Variants in CTNNA2 observed in about 807,000 individuals in gnomAD.
CTNNA2 encodes the protein catenin alpha-2.
In CTNNA2, 42 loss-of-function variants were observed where a neutral mutation model predicts 101.0. The observed-to-expected ratio is 0.42, with a 90% CI of 0.32 to 0.54. CTNNA2 has a LOEUF of 0.54. Among genes scored for constraint, CTNNA2 ranks in the 20% least tolerant of loss-of-function variants. CTNNA2 has a pLI of 0.14. For synonymous variants in CTNNA2, 450 were observed against 456.4 expected (o/e 0.99, Z 0.18); for missense variants, 871 against 1,223.1 (o/e 0.71, Z 4.29).
In CTNNA2 at chr2:80,480,871, G is replaced by A. The variant is rs530709735; in HGVS notation, c.1290+61270G>A. ...CCTAGAGAAATAAATGTGTAGGAAA[G>A]CACTTTAATAAGATAGTTGCGATAA... On this transcript the variant is annotated intron_variant, in intron 9 of 18. Transcript: ENST00000402739. Among the ~76,000 whole-genome samples the A allele has an allele frequency of 1.1e-4, 17 of 152,142 alleles. No homozygotes were observed. The South Asian group carries it at 1.2e-3, about 11-fold the overall frequency.
At chr2:79,739,560 T>G (rs1447826443) in intron 2 of CTNNA2, among the ~76,000 whole-genome samples, 1 of 152,218 alleles carries the variant, frequency 6.6e-6, no homozygotes, top group Non-Finnish European at 1.5e-5. Context: ...TTGCCTTTTT[T>G]AAAATACAGA....
Position 79,766,856 on chromosome 2 carries a change from A to G in CTNNA2, c.298+22274A>G, listed in dbSNP as rs555066878. Among the ~76,000 whole-genome samples, 851 of 151,976 alleles carry G rather than the reference A, an allele frequency of 5.6e-3. 7 individuals are homozygous for G. Among genetic ancestry groups the G allele is most frequent in the African/African-American group, 0.02 (814 of 41,456 alleles). On this transcript the variant is annotated intron_variant, in intron 3 of 18. Coordinates refer to ENST00000402739, the MANE Select transcript of CTNNA2 (RefSeq NM_001282597.3). Reference sequence around the variant, plus strand: ...CCGCAACCTCCACCTCCTGGGTTCAAGTGATTCTCCTGCCTCAGCCTCCCA... The same window carrying G: ...CCGCAACCTCCACCTCCTGGGTTCAGGTGATTCTCCTGCCTCAGCCTCCCA...
chr2:80,163,328 G>A (rs561383270), intron 7 of CTNNA2, among the ~76,000 whole-genome samples: 1 of 151,998 alleles, frequency 6.6e-6, no homozygotes. Flanking sequence ...ATATATTGCT[G>A]GGACAGGAGA....
chr2:79,420,023 T>C (rs1011326810), intron 4 of CTNNA2, among the ~76,000 whole-genome samples: 8 of 152,106 alleles, frequency 5.3e-5, no homozygotes, highest in Non-Finnish European at 1.0e-4. Context: ...CTCCCCAGCC[T>C]AGTTATGAAA....
intron 7 of CTNNA2, among the ~76,000 whole-genome samples, chr2:80,045,577 A>T (rs1331343351): frequency 6.6e-6 from 1 of 152,298 alleles, no homozygotes; most frequent in East Asian, 1.9e-4. Flanking sequence ...ATCAGTAATC[A>T]CTATCTAAAT....
intron 4 of CTNNA2, among the ~76,000 whole-genome samples, chr2:79,408,889 T>C (rs1403436399): frequency 1.3e-5 from 2 of 151,498 alleles, no homozygotes; most frequent in African/African-American, 2.4e-5. Context: ...ACTTCCACAA[T>C]GGTTGAACTA....
chr2:80,395,592 G>T (rs576748149), intron 8 of CTNNA2, among the ~76,000 whole-genome samples: 1 of 152,248 alleles, frequency 6.6e-6, no homozygotes, highest in South Asian at 2.1e-4. Flanking sequence ...AATTTGTTTG[G>T]CCCAGGTAGG....
chr2:79,815,589 T>C (rs1287353204), intron 3 of CTNNA2, among the ~76,000 whole-genome samples: 3 of 152,210 alleles, frequency 2.0e-5, no homozygotes, highest in Admixed American at 2.0e-4. Flanking sequence ...GGTTTATTTC[T>C]GGGTTCTCTA....
chr2:80,078,639 A>G (rs933438457), intron 7 of CTNNA2, among the ~76,000 whole-genome samples: 2 of 152,210 alleles, frequency 1.3e-5, no homozygotes, highest in East Asian at 3.9e-4. Context: ...GAATGAAAAA[A>G]TAGGACATTT....
Position 80,545,010 on chromosome 2 carries a change from A to G in CTNNA2, c.1319A>G (p.Asn440Ser). ...GCCAATTTGGCCTGTTCCATCTCCA[A>G]CAATGAAGAAGGGGTGAAATTAGTT... The part of the protein sequence containing the change: ...EVANLACSIS[N>S]NEEGVKLVRM... The change falls in exon 10 of 19, where the codon AAC becomes AGC. Residue 440 changes from asparagine (N) to serine (S), a missense_variant. Around this residue, in one of 5 missense-constraint regions of CTNNA2, gnomAD observed 647 missense variants for 831.5 expected, o/e 0.78. Transcript: ENST00000402739. 3 of 1,614,004 alleles carry G rather than the reference A, an allele frequency of 1.9e-6. No individual in the cohort carries two copies. Among genetic ancestry groups the G allele is most frequent in the East Asian group, 2.2e-5 (1 of 44,846 alleles).
chr2:79,464,826 A>C (rs1670916330), intron 4 of CTNNA2, among the ~76,000 whole-genome samples: 1 of 151,792 alleles, frequency 6.6e-6, no homozygotes, highest in South Asian at 2.1e-4. Flanking sequence ...CTTTTTGATG[A>C]AGTTGTTTTT....
chr2:79,860,966 G>A (rs1403813873), intron 4 of CTNNA2, among the ~76,000 whole-genome samples: 1 of 152,118 alleles, frequency 6.6e-6, no homozygotes, highest in Admixed American at 6.5e-5. Context: ...CTGTAACTCA[G>A]GATGAAGAAC....
In CTNNA2 at chr2:79,303,449, A is replaced by C. The variant is rs115262256; in HGVS notation, c.-405-9260A>C. Among the ~76,000 whole-genome samples, 1,138 of 152,256 alleles carry C rather than the reference A, an allele frequency of 7.5e-3. 18 individuals carry two copies. The highest frequency in any genetic ancestry group is 0.026 in the African/African-American group (1,064 of 41,582). On this transcript the variant is annotated intron_variant, in intron 2 of 21. Coordinates refer to the CTNNA2 transcript ENST00000466387. ...TTCCTGCCCTGCCCTAATGAGCTCCAGGGGAGGTGGTCATGTATATTTACA... is the reference window on the plus strand; with the variant it reads ...TTCCTGCCCTGCCCTAATGAGCTCCCGGGGAGGTGGTCATGTATATTTACA...
intron 15 of CTNNA2, among the ~76,000 whole-genome samples, chr2:80,590,796 T>C (rs1696421409): frequency 6.6e-6 from 1 of 152,208 alleles, no homozygotes; most frequent in Non-Finnish European, 1.5e-5. Context: ...GAAGTTCATA[T>C]TTGTACATTT....
At chr2:80,590,799 G>T (rs1310845629) in intron 15 of CTNNA2, among the ~76,000 whole-genome samples, 1 of 152,050 alleles carries the variant, frequency 6.6e-6, no homozygotes, top group Non-Finnish European at 1.5e-5. Flanking sequence ...GTTCATATTT[G>T]TACATTTGGT....
intron 7 of CTNNA2, among the ~76,000 whole-genome samples, chr2:79,982,358 C>CTATATAACATATATAACATATATATAACA (rs70940066): frequency 2.3e-5 from 3 of 132,508 alleles, no homozygotes; most frequent in African/African-American, 3.2e-5. Flanking sequence ...CCTATATAAC[C>CTATATAACATATATAACATATATATAACA]TATATAACAT....
intron 7 of CTNNA2, among the ~76,000 whole-genome samples, chr2:80,365,631 A>G (rs1364407419): frequency 1.3e-5 from 2 of 151,992 alleles, no homozygotes; most frequent in Non-Finnish European, 2.9e-5. Flanking sequence ...TAATTTCTAA[A>G]ATCATTTTGG....
intron 3 of CTNNA2, among the ~76,000 whole-genome samples, chr2:79,787,328 T>TATACA (rs1489410751): frequency 2.6e-5 from 4 of 152,166 alleles, no homozygotes; most frequent in Non-Finnish European, 5.9e-5. Flanking sequence ...ATTAAAGTGC[T>TATACA]ATACAATTAG....
chr2:79,823,806 C>A (rs181527162), intron 3 of CTNNA2, among the ~76,000 whole-genome samples: 80 of 152,154 alleles, frequency 5.3e-4, no homozygotes, highest in African/African-American at 1.9e-3. Flanking sequence ...ATTTTCCAAT[C>A]TCCTTCCTTA....
Sources: allele counts gnomAD v4.1 joint callset (sites outside exome capture counted in the v4.1 genomes callset), GRCh38; gene constraint gnomAD v4.1.1; regional missense constraint gnomAD v4.1.1; transcripts MANE v1.5; gene names NCBI Gene and HGNC (gene_info 2026-07-23, HGNC 2026-07-21).